YBEY: variants seen among roughly 807,000 people sequenced by gnomAD.
YBEY encodes the protein endoribonuclease YbeY.
YBEY carries 15 observed loss-of-function variants against 13.5 expected under a neutral mutation model. The observed-to-expected ratio is 1.11, with a 90% CI of 0.75 to 1.72. The LOEUF (loss-of-function observed/expected upper bound fraction) is 1.72, where lower values mean the gene tolerates loss of function less well. Ranked by LOEUF, YBEY falls within the 40% of genes most tolerant of loss-of-function variation. The pLI, the probability that YBEY is intolerant of heterozygous loss-of-function variation, is 0.00. For missense variants in YBEY, 244 were observed against 208.4 expected (o/e 1.17, Z -1.05); for synonymous variants, 101 against 83.1 (o/e 1.21, Z -1.17).
At chr21:46,302,424 G>T, downstream of YBEY, 6 of 1,369,168 alleles carry the variant, frequency 4.4e-6, no homozygotes, top group South Asian at 7.5e-5. Flanking sequence ...GAAATTTCCA[G>T]AAGAAAAACC....
chr21:46,301,631 C>T, downstream of YBEY: 1 of 1,061,018 alleles, frequency 9.4e-7, no homozygotes, highest in Non-Finnish European at 1.1e-6. Flanking sequence ...TTTATTTCAT[C>T]AGGCTGGTGG....
chr21:46,304,992 C>T, the YBEY span, among the ~76,000 whole-genome samples: 11 of 152,224 alleles, frequency 7.2e-5, no homozygotes, highest in African/African-American at 2.2e-4. Context: ...CAGGACACAG[C>T]GAACACAGTC....
chr21:46,311,415 A>G, the YBEY span: 1 of 1,223,646 alleles, frequency 8.2e-7, no homozygotes, highest in South Asian at 1.5e-5. Flanking sequence ...TTCAGTAGAT[A>G]ATTTCCTCAA....
At chr21:46,311,508 C>G in the YBEY span, 4 of 1,612,480 alleles carry the variant, frequency 2.5e-6, no homozygotes, top group Non-Finnish European at 3.4e-6. Context: ...GAGGAGGAAT[C>G]TGTGCTATGA....
chr21:46,311,658 A>G, the YBEY span: 3 of 503,092 alleles, frequency 6.0e-6, no homozygotes, highest in African/African-American at 4.1e-5. Context: ...CACCCATCCA[A>G]CCAACCAACC....
downstream of YBEY, chr21:46,301,864 A>G (rs1038806707): frequency 2.4e-5 from 31 of 1,288,658 alleles, no homozygotes; most frequent in Non-Finnish European, 2.9e-5. Flanking sequence ...AGGAGCCTGC[A>G]GTCCACACTC....
At chr21:46,308,079 C>T in the YBEY span, among the ~76,000 whole-genome samples, 6 of 151,920 alleles carry the variant, frequency 3.9e-5, no homozygotes, top group African/African-American at 1.4e-4. Flanking sequence ...CTGCAGCCTC[C>T]ACCTCCTGGG....
downstream of YBEY, chr21:46,302,071 A>ATGGTGG (rs71318063): frequency 1.1e-3 from 1,702 of 1,506,798 alleles, 3 homozygotes; most frequent in Non-Finnish European, 1.4e-3. Flanking sequence ...GCCACACAGC[A>ATGGTGG]TGGTGGTGGT....
the YBEY span, among the ~76,000 whole-genome samples, chr21:46,312,058 A>ACCAC: frequency 5.2e-5 from 6 of 115,006 alleles, no homozygotes; most frequent in African/African-American, 9.9e-5. Flanking sequence ...CAACCAACCA[A>ACCAC]CCACCCACCC....
At chr21:46,300,352 A>AC (rs2082073079), downstream of YBEY, 1 of 160,104 alleles carries the variant, frequency 6.2e-6, no homozygotes, top group South Asian at 1.7e-4. Flanking sequence ...AATGGCATGA[A>AC]CCTGGGAGGC....
the YBEY span, among the ~76,000 whole-genome samples, chr21:46,305,665 C>T: frequency 3.3e-3 from 503 of 152,200 alleles, no homozygotes; most frequent in South Asian, 0.012. Flanking sequence ...CTTGGCCGGG[C>T]GCGGTGGCTC....
At chr21:46,287,350 C>G (rs986371901) in intron 2 of YBEY, among the ~76,000 whole-genome samples, 1 of 152,020 alleles carries the variant, frequency 6.6e-6, no homozygotes, top group Non-Finnish European at 1.5e-5. Flanking sequence ...CTGGCCACCA[C>G]GCCTGGCTAA....
chr21:46,288,047 G>A lies in YBEY; in HGVS notation c.210+924G>A, dbSNP rs115005191. Reference sequence around the variant, plus strand: ...AAAAGAAAAGAAAAAGGTGACTAGCGTCCACCCCCCTTCCCCTCCTAATGC... The same window carrying A: ...AAAAGAAAAGAAAAAGGTGACTAGCATCCACCCCCCTTCCCCTCCTAATGC... On this transcript the variant is annotated intron_variant, in intron 2 of 4. Coordinates refer to ENST00000397701, the MANE Select transcript of YBEY (RefSeq NM_001314025.2). Among the ~76,000 whole-genome samples, 495 of 151,946 alleles carry A rather than the reference G, an allele frequency of 3.3e-3. 1 individual carries two copies. Among genetic ancestry groups the A allele is most frequent in the African/African-American group, 0.012 (478 of 41,446 alleles).
chr21:46,287,895 C>G (rs2081526231), intron 2 of YBEY, among the ~76,000 whole-genome samples: 1 of 151,902 alleles, frequency 6.6e-6, no homozygotes, highest in African/African-American at 2.4e-5. Flanking sequence ...ACCTATAATC[C>G]TAGCTACCTG....
At chr21:46,301,591 G>T, downstream of YBEY, 1 of 1,004,036 alleles carries the variant, frequency 1.0e-6, no homozygotes, top group Middle Eastern at 5.0e-4. Flanking sequence ...CCTGAGCTGA[G>T]ATTTTCTTAA....
At chr21:46,289,377 A>G (rs987974298) in intron 2 of YBEY, among the ~76,000 whole-genome samples, 4 of 152,012 alleles carry the variant, frequency 2.6e-5, no homozygotes, top group Non-Finnish European at 5.9e-5. Context: ...GTGAAAATAC[A>G]TGCCACATGC....
intron 2 of YBEY, among the ~76,000 whole-genome samples, chr21:46,288,501 C>T (rs1448194586): frequency 6.6e-6 from 1 of 151,950 alleles, no homozygotes; most frequent in Non-Finnish European, 1.5e-5. Flanking sequence ...CATGGTGAAA[C>T]CCCGTCTCTA....
chr21:46,309,291 T>C, the YBEY span, among the ~76,000 whole-genome samples: 11 of 151,918 alleles, frequency 7.2e-5, no homozygotes, highest in Admixed American at 7.2e-4. Context: ...TGAAACCCCG[T>C]CTCTACTAAA....
chr21:46,309,497 T>C, the YBEY span, among the ~76,000 whole-genome samples: 82 of 151,810 alleles, frequency 5.4e-4, no homozygotes, highest in African/African-American at 2.0e-3. Flanking sequence ...TTTCAGATAT[T>C]CTGAGCAACA....
Sources: allele counts gnomAD v4.1 joint callset (sites outside exome capture counted in the v4.1 genomes callset), GRCh38; gene constraint gnomAD v4.1.1; transcripts MANE v1.5; gene names NCBI Gene and HGNC (gene_info 2026-07-23, HGNC 2026-07-21).